ENOX1: variants seen among roughly 807,000 people sequenced by gnomAD.
ENOX1 encodes candidate growth-related and time keeping constitutive hydroquinone (NADH) oxidase.
ENOX1 carries 42 observed loss-of-function variants against 82.5 expected under a neutral mutation model. The observed-to-expected ratio is 0.51, with a 90% CI of 0.40 to 0.66. ENOX1 has a LOEUF of 0.66. Ranked by LOEUF, ENOX1 falls within the 30% of genes least tolerant of loss-of-function variation. The pLI is 0.00. For synonymous variants in ENOX1, 271 were observed against 282.2 expected (o/e 0.96, Z 0.40); for missense variants, 608 against 811.6 (o/e 0.75, Z 3.05).
intron 1 of ENOX1, among the ~76,000 whole-genome samples, chr13:43,685,152 A>G (rs1030170672): frequency 1.3e-5 from 2 of 152,170 alleles, no homozygotes; most frequent in African/African-American, 4.8e-5. Flanking sequence ...GCAGCTTTCA[A>G]GTTCACCCGG....
chr13:43,718,716 T>G (rs1249456935), intron 1 of ENOX1, among the ~76,000 whole-genome samples: 1 of 123,566 alleles, frequency 8.1e-6, no homozygotes, highest in Non-Finnish European at 1.7e-5. Context: ...AAAATTAGAA[T>G]CATAATAAAG....
chr13:43,492,468 C>T (rs1436114626), intron 2 of ENOX1, among the ~76,000 whole-genome samples: 1 of 152,136 alleles, frequency 6.6e-6, no homozygotes, highest in Non-Finnish European at 1.5e-5. Flanking sequence ...CTTAATCTTG[C>T]TTAAATTGCC....
intron 3 of ENOX1, among the ~76,000 whole-genome samples, chr13:43,479,286 C>T (rs1456454792): frequency 1.3e-5 from 2 of 151,948 alleles, no homozygotes; most frequent in Admixed American, 6.6e-5. Flanking sequence ...TGGCCTAGAG[C>T]AGACAGCTGA....
At chr13:43,491,283 G>A (rs532238115) in intron 2 of ENOX1, among the ~76,000 whole-genome samples, 3 of 152,216 alleles carry the variant, frequency 2.0e-5, no homozygotes, top group South Asian at 2.1e-4. Flanking sequence ...GGATCCACCC[G>A]CATGATCCCA....
intron 2 of ENOX1, among the ~76,000 whole-genome samples, chr13:43,646,138 G>T (rs1382068562): frequency 6.6e-6 from 1 of 152,208 alleles, no homozygotes; most frequent in Non-Finnish European, 1.5e-5. Flanking sequence ...GCCCTCAAGG[G>T]AGGTTCCCCT....
chr13:43,552,653 A>C (rs1199426495), intron 2 of ENOX1, among the ~76,000 whole-genome samples: 2 of 152,156 alleles, frequency 1.3e-5, no homozygotes, highest in Non-Finnish European at 2.9e-5. Context: ...GGGTATACAC[A>C]GTAGGACCAA....
chr13:43,706,712 G>GA (rs67435957), intron 1 of ENOX1, among the ~76,000 whole-genome samples: 1,874 of 148,068 alleles, frequency 0.013, 37 homozygotes, highest in African/African-American at 0.044. Context: ...GATCAAGAAA[G>GA]AAAAAAAAAA....
At chr13:43,383,600 G>T (rs972831843) in intron 5 of ENOX1, among the ~76,000 whole-genome samples, 6 of 152,006 alleles carry the variant, frequency 3.9e-5, no homozygotes, top group African/African-American at 1.5e-4. Context: ...AATAAATAGG[G>T]TCTATTTACT....
intron 1 of ENOX1, among the ~76,000 whole-genome samples, chr13:43,763,290 G>A (rs568897460): frequency 6.6e-6 from 1 of 152,262 alleles, no homozygotes; most frequent in South Asian, 2.1e-4. Context: ...CCGGTGTCTG[G>A]TGAGGGCCCA....
At chr13:43,426,692 C>G (rs1000926169) in intron 3 of ENOX1, among the ~76,000 whole-genome samples, 2 of 152,102 alleles carry the variant, frequency 1.3e-5, no homozygotes, top group Non-Finnish European at 2.9e-5. Flanking sequence ...CAGTGGCTGT[C>G]AACTCCAAAT....
chr13:43,369,389 G>A (rs1193288032), intron 5 of ENOX1, among the ~76,000 whole-genome samples: 1 of 152,182 alleles, frequency 6.6e-6, no homozygotes, highest in Non-Finnish European at 1.5e-5. Context: ...ATCTTTCTTA[G>A]TTCTGAACTT....
At chr13:43,398,467 C>T (rs1395863111) in intron 5 of ENOX1, among the ~76,000 whole-genome samples, 1 of 152,106 alleles carries the variant, frequency 6.6e-6, no homozygotes, top group African/African-American at 2.4e-5. Flanking sequence ...AAAATAGGCC[C>T]AGAAATCTAC....
intron 2 of ENOX1, among the ~76,000 whole-genome samples, chr13:43,542,474 C>T (rs1233490039): frequency 1.4e-5 from 2 of 143,364 alleles, no homozygotes; most frequent in East Asian, 2.1e-4. Context: ...CTCACTCTGT[C>T]GCCCAGGCTG....
intron 1 of ENOX1, among the ~76,000 whole-genome samples, chr13:43,726,855 C>T (rs1484703655): frequency 6.6e-6 from 1 of 151,844 alleles, no homozygotes; most frequent in East Asian, 1.9e-4. Context: ...AATTCTCGTG[C>T]CTCAGCCTCC....
intron 11 of ENOX1, among the ~76,000 whole-genome samples, chr13:43,317,375 G>GT (rs1304950314): frequency 6.6e-6 from 1 of 152,084 alleles, no homozygotes; most frequent in Non-Finnish European, 1.5e-5. Flanking sequence ...TGGTGATGGG[G>GT]TAACAGTGAG....
intron 5 of ENOX1, among the ~76,000 whole-genome samples, chr13:43,392,894 G>A (rs1179674448): frequency 6.6e-6 from 1 of 151,858 alleles, no homozygotes; most frequent in Non-Finnish European, 1.5e-5. Context: ...CATTAGATGT[G>A]TTTTGAAGAA....
chr13:43,406,649 T>TG (rs1449862974), intron 5 of ENOX1, among the ~76,000 whole-genome samples: 1 of 151,878 alleles, frequency 6.6e-6, no homozygotes, highest in African/African-American at 2.4e-5. Context: ...CCCGCCACCA[T>TG]GCCCTGCTAA....
chr13:43,337,878 G>A (rs1054798276), intron 9 of ENOX1, among the ~76,000 whole-genome samples: 1 of 152,148 alleles, frequency 6.6e-6, no homozygotes, highest in Non-Finnish European at 1.5e-5. Flanking sequence ...TTCCTCCTCT[G>A]TAAAATGACA....
At chr13:43,475,794 C>CAAAAAAAAAAAAAAAAAA (rs10624980) in intron 3 of ENOX1, among the ~76,000 whole-genome samples, 3 of 70,920 alleles carry the variant, frequency 4.2e-5, no homozygotes, top group African/African-American at 6.1e-5. Flanking sequence ...CATAACTGAC[C>CAAAAAAAAAAAAAAAAAA]AAAAAAAAAA....
Sources: gnomAD v4.1 joint callset for allele counts (sites outside exome capture counted in the v4.1 genomes callset) on GRCh38, gnomAD v4.1.1 for gene constraint, MANE v1.5 for transcripts, NCBI Gene and HGNC (gene_info 2026-07-23, HGNC 2026-07-21) for gene names.